RIT2: variants seen among roughly 807,000 people sequenced by gnomAD.
RIT2 encodes the protein Ras like without CAAX 2.
RIT2 carries 24 observed loss-of-function variants against 23.7 expected under a neutral mutation model. The ratio of observed to expected loss-of-function variants is 1.01; its 90% confidence interval spans 0.73 to 1.43. RIT2 has a LOEUF of 1.43. Among genes scored for constraint, RIT2 ranks in the 40% most tolerant of loss-of-function variants. The probability of loss-of-function intolerance (pLI) is 0.00; values close to 1 mark genes in which losing one functional copy is unlikely to be tolerated. For synonymous variants in RIT2, 107 were observed against 91.1 expected (o/e 1.17, Z -0.99); for missense variants, 236 against 266.9 (o/e 0.88, Z 0.81).
chr18:42,777,711 T>C (rs2080483119), intron 4 of RIT2, among the ~76,000 whole-genome samples: 1 of 152,174 alleles, frequency 6.6e-6, no homozygotes, highest in African/African-American at 2.4e-5. Flanking sequence ...CACAGTCTTA[T>C]TTTTTCTTTG....
At chr18:43,003,209 T>C (rs540636498) in intron 2 of RIT2, among the ~76,000 whole-genome samples, 7 of 152,056 alleles carry the variant, frequency 4.6e-5, no homozygotes, top group African/African-American at 1.7e-4. Context: ...TTCCTTGTCA[T>C]TTGTTATGAC....
chr18:43,084,800 T>C (rs1298143970), intron 1 of RIT2, among the ~76,000 whole-genome samples: 1 of 152,140 alleles, frequency 6.6e-6, no homozygotes, highest in Non-Finnish European at 1.5e-5. Flanking sequence ...TAAAACCTAG[T>C]GACACGTTGA....
At chr18:42,809,153 T>C (rs1905769565) in intron 4 of RIT2, among the ~76,000 whole-genome samples, 2 of 152,176 alleles carry the variant, frequency 1.3e-5, no homozygotes, top group Admixed American at 1.3e-4. Context: ...TCTGACTATA[T>C]TGTGTTTTGA....
intron 3 of RIT2, among the ~76,000 whole-genome samples, chr18:42,948,699 A>T (rs370719740): frequency 3.3e-5 from 5 of 152,084 alleles, no homozygotes; most frequent in Admixed American, 6.6e-5. Flanking sequence ...TGGAAAAGTT[A>T]TATGATCATC....
chr18:43,014,964 T>C (rs1269286396), intron 2 of RIT2, among the ~76,000 whole-genome samples: 2 of 151,790 alleles, frequency 1.3e-5, no homozygotes, highest in African/African-American at 4.8e-5. Context: ...ACAGAATGTA[T>C]TTATAATTAC....
At chr18:43,108,007 C>CAAAAA (rs5824469) in intron 1 of RIT2, among the ~76,000 whole-genome samples, 2 of 136,280 alleles carry the variant, frequency 1.5e-5, no homozygotes, top group South Asian at 2.4e-4. Flanking sequence ...ACTAAAAATA[C>CAAAAA]AAAAAAAAAA....
intron 3 of RIT2, among the ~76,000 whole-genome samples, chr18:42,955,474 TA>T (rs894853665): frequency 3.0e-4 from 45 of 152,272 alleles, no homozygotes; most frequent in African/African-American, 1.1e-3. Context: ...ACTTAAGTTT[TA>T]AAGAGGGTAC....
rs73473616 is a variant in RIT2, at chr18:42,908,730, T to C, written c.426+14842A>G. ...AAGACATTCTCAGTTGAAGGGAAAT[T>C]GAGAGAATTTGTTGCTAGCAGATTT... On this transcript the variant is annotated intron_variant, in intron 4 of 4. Transcript: ENST00000326695. Among the ~76,000 whole-genome samples, 555 of 152,160 alleles carry C rather than the reference T, an allele frequency of 3.6e-3. 6 individuals are homozygous for C. Among genetic ancestry groups the C allele is most frequent in the African/African-American group, 0.013 (524 of 41,516 alleles).
intron 1 of RIT2, among the ~76,000 whole-genome samples, chr18:43,082,767 C>T (rs762371777): frequency 1.3e-5 from 2 of 151,918 alleles, no homozygotes; most frequent in Non-Finnish European, 2.9e-5. Context: ...AAACCCATAC[C>T]CAATATCATA....
chr18:42,903,295 C>T (rs918550832), intron 4 of RIT2, among the ~76,000 whole-genome samples: 4 of 152,010 alleles, frequency 2.6e-5, no homozygotes, highest in African/African-American at 7.2e-5. Context: ...TAGATAGCTA[C>T]ACTTGTTTCT....
At chr18:42,804,917 A>T (rs1905640173) in intron 4 of RIT2, among the ~76,000 whole-genome samples, 1 of 152,218 alleles carries the variant, frequency 6.6e-6, no homozygotes, top group Non-Finnish European at 1.5e-5. Context: ...GGCCATTGGA[A>T]AGGGAACAAG....
chr18:43,077,837 TA>T (rs1266943159), intron 1 of RIT2, among the ~76,000 whole-genome samples: 1 of 152,202 alleles, frequency 6.6e-6, no homozygotes, highest in Non-Finnish European at 1.5e-5. Context: ...CTAGAGCAGG[TA>T]GTATGTAGCA....
At chr18:43,083,999 A>G (rs750319833) in intron 1 of RIT2, among the ~76,000 whole-genome samples, 1 of 152,304 alleles carries the variant, frequency 6.6e-6, no homozygotes, top group Non-Finnish European at 1.5e-5. Flanking sequence ...ACAAAGATCT[A>G]ATATCCAGAA....
chr18:42,901,764 C>T (rs1423273863), intron 4 of RIT2, among the ~76,000 whole-genome samples: 1 of 151,896 alleles, frequency 6.6e-6, no homozygotes, highest in Non-Finnish European at 1.5e-5. Context: ...GGAGAATATA[C>T]AAGTTTATTG....
Position 42,826,815 on chromosome 18 carries a change from A to G in RIT2, c.427-83095T>C, listed in dbSNP as rs969768022. Reference sequence around the variant, plus strand: ...TCAACAATTAGTAGCATTTTTAAATATAAGTAATGAAAATTAGAAAAATAA... The same window carrying G: ...TCAACAATTAGTAGCATTTTTAAATGTAAGTAATGAAAATTAGAAAAATAA... On this transcript the variant is annotated intron_variant, in intron 4 of 4. Coordinates refer to ENST00000326695, the MANE Select transcript of RIT2 (RefSeq NM_002930.4). 2.0e-5 allele frequency among the ~76,000 whole-genome samples: 3 copies of G among 152,296 alleles called. No individual in the cohort carries two copies. In the South Asian group the frequency reaches 6.2e-4, roughly 32 times the overall value.
intron 4 of RIT2, among the ~76,000 whole-genome samples, chr18:42,874,015 A>G (rs73471639): frequency 0.025 from 3,861 of 152,136 alleles, 162 homozygotes; most frequent in African/African-American, 0.086. Flanking sequence ...ATGGGAAATG[A>G]AGGCTGATTC....
intron 1 of RIT2, among the ~76,000 whole-genome samples, chr18:43,098,581 T>C (rs1422100675): frequency 2.6e-5 from 4 of 151,962 alleles, no homozygotes; most frequent in African/African-American, 7.2e-5. Flanking sequence ...AATAGGGTTT[T>C]TTGTAACGAC....
At chr18:42,973,478 T>C (rs1826446859) in intron 3 of RIT2, among the ~76,000 whole-genome samples, 1 of 151,900 alleles carries the variant, frequency 6.6e-6, no homozygotes, top group South Asian at 2.1e-4. Flanking sequence ...AAAATATATC[T>C]AGGACATGGA....
At chr18:43,076,482 T>C (rs28479688) in intron 1 of RIT2, among the ~76,000 whole-genome samples, 1,920 of 152,134 alleles carry the variant, frequency 0.013, 61 homozygotes, top group African/African-American at 0.044. Flanking sequence ...TATGTTCTAA[T>C]GATGTATATG....
Sources: gnomAD v4.1 joint callset for allele counts (sites outside exome capture counted in the v4.1 genomes callset) on GRCh38, gnomAD v4.1.1 for gene constraint, MANE v1.5 for transcripts, NCBI Gene and HGNC (gene_info 2026-07-23, HGNC 2026-07-21) for gene names.